The following TSHZ2 variants were observed in gnomAD, a reference collection of about 807,000 sequenced individuals.
TSHZ2 encodes the protein teashirt zinc finger homeobox 2.
Under a neutral mutation model 74.4 loss-of-function variants are expected in TSHZ2, and 21 were observed. That is an observed-to-expected ratio of 0.28 (90% CI 0.20 to 0.41). The LOEUF is 0.41. TSHZ2 is among the 10% of genes least tolerant of loss of function. The probability of loss-of-function intolerance (pLI) is 1.00; values close to 1 mark genes in which losing one functional copy is unlikely to be tolerated. For synonymous variants in TSHZ2, 540 were observed against 515.3 expected, an observed-to-expected ratio of 1.05 and a Z score of -0.65; for missense variants, 1,244 against 1,293.5, an observed-to-expected ratio of 0.96 and a Z score of 0.59.
chr20:53,412,327 C>T (rs896819793), intron 2 of TSHZ2, among the ~76,000 whole-genome samples: 4 of 152,246 alleles, frequency 2.6e-5, no homozygotes, highest in African/African-American at 9.6e-5. Context: ...AAGGTCCCAG[C>T]CCTGGAGCAA....
rs889025632 is a variant in TSHZ2 at position 53,326,576 on chromosome 20, C to T, written c.*8+70005C>T. On this transcript the variant is annotated intron_variant, in intron 2 of 2. Coordinates refer to ENST00000371497, the MANE Select transcript of TSHZ2 (RefSeq NM_173485.6). ...TCACTAAGCGCCTCTAGAAAGCCCC[C>T]CCGGCAACCACCTCCCAATAAGGCT... Among the ~76,000 whole-genome samples, 4 of 152,172 alleles carry T rather than the reference C, an allele frequency of 2.6e-5. No individual in the cohort carries two copies. The East Asian group carries it at 7.7e-4, about 29-fold the overall frequency.
intron 1 of TSHZ2, among the ~76,000 whole-genome samples, chr20:53,208,177 T>C (rs1005294747): frequency 2.0e-5 from 3 of 152,206 alleles, no homozygotes; most frequent in African/African-American, 7.2e-5. Context: ...TTGGAGAATG[T>C]AAGCCTCTAG....
chr20:53,211,337 C>T (rs554157486), intron 1 of TSHZ2, among the ~76,000 whole-genome samples: 1 of 152,202 alleles, frequency 6.6e-6, no homozygotes, highest in African/African-American at 2.4e-5. Flanking sequence ...ACAAGAGGTC[C>T]ATAGATGCCT....
chr20:53,334,736 C>T (rs897205821), intron 2 of TSHZ2, among the ~76,000 whole-genome samples: 1 of 151,844 alleles, frequency 6.6e-6, no homozygotes, highest in East Asian at 1.9e-4. Flanking sequence ...GCTCTGTCGC[C>T]CAGGCTGGAG....
intron 2 of TSHZ2, among the ~76,000 whole-genome samples, chr20:53,285,385 A>G (rs1991145204): frequency 6.6e-6 from 1 of 152,068 alleles, no homozygotes; most frequent in African/African-American, 2.4e-5. Flanking sequence ...AACTTTATGA[A>G]ATTTTTTTGC....
chr20:53,259,672 C>T (rs1220151398), intron 2 of TSHZ2, among the ~76,000 whole-genome samples: 1 of 152,190 alleles, frequency 6.6e-6, no homozygotes, highest in Non-Finnish European at 1.5e-5. Flanking sequence ...GATAAAAACA[C>T]ATATTCAGGG....
intron 2 of TSHZ2, among the ~76,000 whole-genome samples, chr20:53,267,957 G>A (rs1313047578): frequency 6.6e-6 from 1 of 152,178 alleles, no homozygotes; most frequent in Non-Finnish European, 1.5e-5. Context: ...GAGGGTTGAA[G>A]GTGGGACTCA....
intron 1 of TSHZ2, among the ~76,000 whole-genome samples, chr20:53,090,146 C>G (rs1985833410): frequency 1.3e-5 from 2 of 152,210 alleles, no homozygotes; most frequent in Non-Finnish European, 2.9e-5. Context: ...GCATCCAGCA[C>G]AGGAGAAAGA....
intron 2 of TSHZ2, among the ~76,000 whole-genome samples, chr20:53,483,424 T>C (rs1242683976): frequency 6.6e-6 from 1 of 152,092 alleles, no homozygotes; most frequent in Non-Finnish European, 1.5e-5. Context: ...CGTGGGAGGA[T>C]GGATTGAGCC....
intron 1 of TSHZ2, among the ~76,000 whole-genome samples, chr20:53,115,580 G>A (rs1387101388): frequency 1.3e-5 from 2 of 152,080 alleles, no homozygotes; most frequent in Non-Finnish European, 2.9e-5. Flanking sequence ...GTCTTTATTA[G>A]CAGCATGAGA....
chr20:53,482,081 G>A (rs1986163780), intron 2 of TSHZ2, among the ~76,000 whole-genome samples: 2 of 141,704 alleles, frequency 1.4e-5, no homozygotes, highest in South Asian at 2.4e-4. Flanking sequence ...ACTGCAGCCT[G>A]GGCAACAAGA....
At chr20:53,114,538 C>G (rs1986619129) in intron 1 of TSHZ2, among the ~76,000 whole-genome samples, 1 of 152,192 alleles carries the variant, frequency 6.6e-6, no homozygotes. Context: ...CCAGTGCAGT[C>G]TGGTCAAATT....
At chr20:53,138,227 C>CA (rs1212373610) in intron 1 of TSHZ2, among the ~76,000 whole-genome samples, 5 of 151,762 alleles carry the variant, frequency 3.3e-5, no homozygotes, top group Admixed American at 2.6e-4. Flanking sequence ...CTAAAAAATA[C>CA]AAAAAAATTA....
In TSHZ2 at chr20:53,254,200, G is replaced by A; in HGVS notation, c.742G>A (p.Asp248Asn). 1 of 1,614,128 alleles carries A rather than the reference G, an allele frequency of 6.2e-7. No individual in the cohort carries two copies. The highest frequency in any genetic ancestry group is 8.5e-7 in the Non-Finnish European group (1 of 1,180,026). ...GHYQDDNRKK[D>N]KLRPTSYSKP... ...CTATCAAGATGACAACCGCAAAAAGGACAAGCTCAGACCCACGAGCTATTC... is the reference window on the plus strand; with the variant it reads ...CTATCAAGATGACAACCGCAAAAAGAACAAGCTCAGACCCACGAGCTATTC... Residue 248 changes from aspartate to asparagine, a missense_variant, in exon 2 of 3, where the codon GAC (aspartate) becomes AAC (asparagine). By Grantham distance (23) the Asp-to-Asn change is conservative. Transcript: ENST00000371497.
intron 2 of TSHZ2, among the ~76,000 whole-genome samples, chr20:53,361,602 A>G (rs1450328995): frequency 1.3e-5 from 2 of 152,228 alleles, no homozygotes; most frequent in East Asian, 1.9e-4. Flanking sequence ...CTTTTGATCA[A>G]TAGTTTATAA....
At chr20:53,038,189 T>G (rs1983891547) in intron 1 of TSHZ2, among the ~76,000 whole-genome samples, 1 of 73,760 alleles carries the variant, frequency 1.4e-5, no homozygotes, top group African/African-American at 5.7e-5. Flanking sequence ...CGGGATTCCG[T>G]CTCAAAAAAA....
chr20:53,438,035 C>G (rs1015299654), intron 2 of TSHZ2, among the ~76,000 whole-genome samples: 1 of 152,026 alleles, frequency 6.6e-6, no homozygotes, highest in African/African-American at 2.4e-5. Flanking sequence ...CTTATAGCAA[C>G]GCAAAACAGA....
intron 2 of TSHZ2, among the ~76,000 whole-genome samples, chr20:53,359,688 T>C (rs954143032): frequency 6.6e-5 from 10 of 152,146 alleles, no homozygotes; most frequent in African/African-American, 2.4e-4. Flanking sequence ...GCCATGTGGT[T>C]GGTATGTTCG....
intron 1 of TSHZ2, among the ~76,000 whole-genome samples, chr20:53,211,910 C>T (rs1002974850): frequency 7.2e-5 from 11 of 152,020 alleles, no homozygotes; most frequent in Non-Finnish European, 1.2e-4. Flanking sequence ...CTTTGGAGTC[C>T]CTGGTGTCTG....
Sources: gnomAD v4.1 joint callset for allele counts (sites outside exome capture counted in the v4.1 genomes callset) on GRCh38, gnomAD v4.1.1 for gene constraint, MANE v1.5 for transcripts, NCBI Gene and HGNC (gene_info 2026-07-23, HGNC 2026-07-21) for gene names.